LRCH3: variants seen among roughly 807,000 people sequenced by gnomAD.
LRCH3 encodes leucine rich repeats and calponin homology domain containing 3.
In LRCH3, 68 loss-of-function variants were observed where a neutral mutation model predicts 104.5. That is an observed-to-expected ratio of 0.65 (90% CI 0.54 to 0.80). The LOEUF (loss-of-function observed/expected upper bound fraction) is 0.80, where lower values mean the gene tolerates loss of function less well. LRCH3 is among the 30% of genes least tolerant of loss of function. The pLI is 0.00. For synonymous variants in LRCH3, 344 were observed against 361.3 expected, an observed-to-expected ratio of 0.95 and a Z score of 0.54; for missense variants, 951 against 953.9, an observed-to-expected ratio of 1.00 and a Z score of 0.04.
At chr3:197,857,725 G>A (rs1027611647) in intron 14 of LRCH3, among the ~76,000 whole-genome samples, 1 of 152,174 alleles carries the variant, frequency 6.6e-6, no homozygotes, top group African/African-American at 2.4e-5. Context: ...GCAGGCCCAG[G>A]AAATCTAAAC....
At chr3:197,832,798 C>T (rs1736140714) in intron 8 of LRCH3, among the ~76,000 whole-genome samples, 1 of 150,498 alleles carries the variant, frequency 6.6e-6, no homozygotes, top group Non-Finnish European at 1.5e-5. Flanking sequence ...ATTTGTAGTT[C>T]ATTAGCAAGC....
Position 197,854,480 on chromosome 3 carries a change from C to G in LRCH3, c.1644+35C>G. The G allele has an allele frequency of 1.3e-6, 2 of 1,593,104 alleles. No homozygotes were observed. The highest frequency in any genetic ancestry group is 1.7e-6 in the Non-Finnish European group (2 of 1,160,822). On this transcript the variant is annotated intron_variant, in intron 14 of 20. Coordinates refer to ENST00000425562, the MANE Select transcript of LRCH3 (RefSeq NM_001365715.1). This position sits in a 1 kb window ranked among gnomAD's most constrained non-coding sequence, Gnocchi z 4.5. Reference sequence around the variant, plus strand: ...TTGCACAAAACGGAGTTTCGCATTTCTGTGTTTAGAGATTGTACTTTTTAT... The same window carrying G: ...TTGCACAAAACGGAGTTTCGCATTTGTGTGTTTAGAGATTGTACTTTTTAT...
intron 19 of LRCH3, among the ~76,000 whole-genome samples, chr3:197,874,493 C>T (rs191678829): frequency 5.3e-5 from 8 of 152,118 alleles, no homozygotes; most frequent in East Asian, 1.9e-4. Flanking sequence ...CTCTACATTA[C>T]GGTAGATTTC....
Position 197,883,541 on chromosome 3 carries a change from GA to G in LRCH3, c.2210del (p.Glu737GlyfsTer10). 1 of 1,534,626 alleles carries G rather than the reference GA, an allele frequency of 6.5e-7. No homozygotes were observed. Among genetic ancestry groups the G allele is most frequent in the Non-Finnish European group, 8.7e-7 (1 of 1,146,308 alleles). On this transcript the variant is annotated frameshift_variant and splice_region_variant, in exon 21 of 21. Coordinates refer to ENST00000425562, the MANE Select transcript of LRCH3 (RefSeq NM_001365715.1). LOFTEE classifies it high-confidence loss of function. This position sits in a 1 kb window ranked among gnomAD's most constrained non-coding sequence, Gnocchi z 4.2. ...TTTCATGTTACGTTGTCCCTTTCAGGAGCAATTATGTTTGCCTCTCCACATT... is the reference window on the plus strand; with the variant it reads ...TTTCATGTTACGTTGTCCCTTTCAGGGCAATTATGTTTGCCTCTCCACATT... The part of the protein sequence containing the change: ...EACRKIGVPQ[E>X]QLCLPLHILE...
intron 10 of LRCH3, among the ~76,000 whole-genome samples, chr3:197,841,541 G>A (rs1352707493): frequency 6.6e-6 from 1 of 152,086 alleles, no homozygotes; most frequent in Non-Finnish European, 1.5e-5. Context: ...CATCTGCAAA[G>A]CCTTTTTTAA....
intron 11 of LRCH3, 107 bp downstream of exon 11, chr3:197,847,567 T>G (rs1258501447): frequency 9.1e-6 from 8 of 876,034 alleles, no homozygotes; most frequent in Non-Finnish European, 1.4e-5. Flanking sequence ...TAAGCATTAC[T>G]AGCTGTCTCA....
At position 197,810,982 on chromosome 3, in the gene LRCH3, C is replaced by A. The variant is rs997493033; in HGVS notation, c.263-3926C>A. On this transcript the variant is annotated intron_variant, in intron 1 of 20. Coordinates refer to ENST00000425562, the MANE Select transcript of LRCH3 (RefSeq NM_001365715.1). This position sits in a 1 kb window ranked among gnomAD's most constrained non-coding sequence, Gnocchi z 4.0. Reference sequence around the variant, plus strand: ...GCTAAAATGATTTTTATTGCATTATCTCAGTAAAATTTTCATGGGAATGGT... The same window carrying A: ...GCTAAAATGATTTTTATTGCATTATATCAGTAAAATTTTCATGGGAATGGT... Among the ~76,000 whole-genome samples the A allele has an allele frequency of 1.3e-5, 2 of 152,062 alleles. No individual in the cohort carries two copies. Among genetic ancestry groups the A allele is most frequent in the African/African-American group, 4.8e-5 (2 of 41,406 alleles).
chr3:197,863,479 T>C (rs996558524), intron 15 of LRCH3, among the ~76,000 whole-genome samples: 5 of 152,154 alleles, frequency 3.3e-5, no homozygotes, highest in African/African-American at 1.2e-4. Flanking sequence ...CAGGATGGTC[T>C]CAATCTCTTG....
chr3:197,799,592 C>T lies in LRCH3; in HGVS notation c.262+8052C>T, dbSNP rs560804614. 5.9e-5 allele frequency among the ~76,000 whole-genome samples: 9 copies of T among 152,228 alleles called. No homozygotes were observed. In the South Asian group the frequency reaches 8.3e-4, roughly 14 times the overall value. On this transcript the variant is annotated intron_variant, in intron 1 of 20. Coordinates refer to ENST00000425562, the MANE Select transcript of LRCH3 (RefSeq NM_001365715.1). ...CATTAAAAACAGGTTTTTGGCTAGG[C>T]GCGGTGGCTCATGCCTGTAATCCCA...
At chr3:197,874,773 A>G (rs184185428) in intron 19 of LRCH3, among the ~76,000 whole-genome samples, 2 of 152,304 alleles carry the variant, frequency 1.3e-5, no homozygotes, top group Admixed American at 1.3e-4. Context: ...AATCAAAGCC[A>G]ATGTCTCAAG....
In LRCH3 at chr3:197,830,878, T is replaced by C; in HGVS notation, c.981+15T>C. ...CAGGGAATGAAGTAAGTGTTTTTTA[T>C]GTTCCGTGTGTTATAACACCTGATT... On this transcript the variant is annotated intron_variant, in intron 7 of 20. Transcript: ENST00000425562. 1 of 1,569,624 alleles carries C rather than the reference T, an allele frequency of 6.4e-7. No individual in the cohort carries two copies. Among genetic ancestry groups the C allele is most frequent in the Admixed American group, 1.7e-5 (1 of 59,864 alleles).
At position 197,832,197 on chromosome 3, in the gene LRCH3, C is replaced by A; in HGVS notation, c.982C>A (p.Pro328Thr). 6 of 1,610,886 alleles carry A rather than the reference C, an allele frequency of 3.7e-6. No individual in the cohort carries two copies. Among genetic ancestry groups the A allele is most frequent in the Non-Finnish European group, 5.1e-6 (6 of 1,177,794 alleles). Residue 328 changes from proline to threonine, a missense_variant and splice_region_variant, in exon 8 of 21, where the codon CCT (proline) becomes ACT (threonine). Transcript: ENST00000425562. ...SGDKRWSGNEPTDEFSDLPLR... is the reference protein window; with the variant it reads ...SGDKRWSGNETTDEFSDLPLR... Reference sequence around the variant, plus strand: ...TTAATGTTTCTGCTTCTTTTTTAAGCCTACAGATGAATTTTCAGATCTGCC... The same window carrying A: ...TTAATGTTTCTGCTTCTTTTTTAAGACTACAGATGAATTTTCAGATCTGCC...
intron 20 of LRCH3, among the ~76,000 whole-genome samples, chr3:197,879,439 G>A (rs1033535510): frequency 1.1e-4 from 16 of 151,652 alleles, no homozygotes; most frequent in African/African-American, 1.7e-4. Context: ...GAGGTCAGGA[G>A]ATCGAGACCA....
At chr3:197,865,221 CAAGT>C (rs1273204549) in intron 15 of LRCH3, among the ~76,000 whole-genome samples, 198 bp from the exon 16 acceptor site, 2 of 152,172 alleles carry the variant, frequency 1.3e-5, no homozygotes, top group Non-Finnish European at 2.9e-5. Flanking sequence ...CTCCTGCTCT[CAAGT>C]AATCCTCGCA....
rs1050164790 is a variant in LRCH3, at chr3:197,795,900, C to T, written c.262+4360C>T. Among the ~76,000 whole-genome samples the T allele has an allele frequency of 6.6e-5, 10 of 151,924 alleles. No individual in the cohort carries two copies. In the East Asian group the frequency reaches 1.7e-3, roughly 27 times the overall value. ...TAGAGATGGGGTTTCACCATATTGG[C>T]CAGGCTGGTCTCAATCTCCTGACCT... On this transcript the variant is annotated intron_variant, in intron 1 of 20. Coordinates refer to ENST00000425562, the MANE Select transcript of LRCH3 (RefSeq NM_001365715.1).
intron 18 of LRCH3, 78 bp from the exon 19 acceptor site, chr3:197,871,247 G>T: frequency 8.9e-7 from 1 of 1,128,896 alleles, no homozygotes; most frequent in South Asian, 1.4e-5. Flanking sequence ...TTTTTAATTA[G>T]ATTTCATTAT....
At chr3:197,869,197 C>G (rs1711741477) in intron 17 of LRCH3, among the ~76,000 whole-genome samples, 1 of 151,374 alleles carries the variant, frequency 6.6e-6, no homozygotes, top group Non-Finnish European at 1.5e-5. Flanking sequence ...AAGCGATGCA[C>G]TGTACCTGCA....
rs866672112 is a variant in LRCH3 at position 197,835,778 on chromosome 3, T to C, written c.1207T>C (p.Ser403Pro). 1.2e-6 allele frequency: 2 copies of C among 1,614,106 alleles called. No individual in the cohort carries two copies. Among genetic ancestry groups the C allele is most frequent in the Non-Finnish European group, 1.7e-6 (2 of 1,180,020 alleles). Residue 403 changes from serine (S) to proline (P), a missense_variant, in exon 9 of 21, where the codon TCA becomes CCA. Physicochemically the swap from Ser to Pro is moderately conservative, Grantham distance 74. Coordinates refer to ENST00000425562, the MANE Select transcript of LRCH3 (RefSeq NM_001365715.1). ...PKGPDPDSLS[S>P]QFMAYIEQRR... is the part of the protein sequence containing the mutation. Reference sequence around the variant, plus strand: ...GGGACCAGACCCAGACAGCCTTAGTTCACAGTTTATGGCGTATATTGAACA... The same window carrying C: ...GGGACCAGACCCAGACAGCCTTAGTCCACAGTTTATGGCGTATATTGAACA...
At chr3:197,855,530 G>C (rs1023543674) in intron 14 of LRCH3, among the ~76,000 whole-genome samples, 1 of 152,114 alleles carries the variant, frequency 6.6e-6, no homozygotes, top group Non-Finnish European at 1.5e-5. Flanking sequence ...GTCCAATGTC[G>C]CATAGACAGT....
Sources: gnomAD v4.1 joint callset for allele counts (sites outside exome capture counted in the v4.1 genomes callset) on GRCh38, gnomAD v4.1.1 for gene constraint, Gnocchi (gnomAD v3.1) non-coding constraint, MANE v1.5 for transcripts, NCBI Gene and HGNC (gene_info 2026-07-23, HGNC 2026-07-21) for gene names.